The following ASPRV1 variants were observed in gnomAD, a reference collection of about 807,000 sequenced individuals.
ASPRV1 encodes retroviral-like aspartic protease 1.
A neutral mutation model predicts 11.0 loss-of-function variants in ASPRV1; 7 were observed. That is an observed-to-expected ratio of 0.64 (90% CI 0.36 to 1.20). The LOEUF (loss-of-function observed/expected upper bound fraction) is 1.20. ASPRV1 is among the 50% of genes most tolerant of loss of function. The pLI, the probability that ASPRV1 is intolerant of heterozygous loss-of-function variation, is 0.02. For synonymous variants in ASPRV1, 136 were observed against 138.4 expected, an observed-to-expected ratio of 0.98 and a Z score of 0.12; for missense variants, 299 against 320.0, an observed-to-expected ratio of 0.93 and a Z score of 0.50.
chr2:70,014,288 GATAC>G, the ASPRV1 span, among the ~76,000 whole-genome samples: 14 of 152,056 alleles, frequency 9.2e-5, no homozygotes, highest in Non-Finnish European at 1.0e-4. Context: ...TAACATTGAG[GATAC>G]ATAGAGAAAT....
the ASPRV1 span, among the ~76,000 whole-genome samples, chr2:69,998,758 C>T: frequency 6.6e-6 from 1 of 151,562 alleles, no homozygotes; most frequent in Non-Finnish European, 1.5e-5. Flanking sequence ...TTCTTTCTGG[C>T]AATAACACAG....
the ASPRV1 span, among the ~76,000 whole-genome samples, chr2:70,034,154 TA>T: frequency 0.32 from 22,164 of 68,900 alleles, 1,922 homozygotes; most frequent in East Asian, 0.38. Flanking sequence ...CTCCATCTCA[TA>T]AAAAAAAAAA....
At chr2:70,054,379 A>T in the ASPRV1 span, among the ~76,000 whole-genome samples, 1 of 151,704 alleles carries the variant, frequency 6.6e-6, no homozygotes, top group Non-Finnish European at 1.5e-5. Flanking sequence ...CAAGGTCAGG[A>T]GATCAAGACC....
downstream of ASPRV1, among the ~76,000 whole-genome samples, chr2:69,957,652 GA>G (rs1362768587): frequency 1.3e-5 from 2 of 151,864 alleles, no homozygotes; most frequent in African/African-American, 4.8e-5. Context: ...GGTGGGGATG[GA>G]GAGTCTGTAT....
chr2:69,968,221 T>C, the ASPRV1 span, among the ~76,000 whole-genome samples: 1 of 152,198 alleles, frequency 6.6e-6, no homozygotes, highest in African/African-American at 2.4e-5. Context: ...TTTTAAGTTT[T>C]TTAAAAGGTG....
the ASPRV1 span, among the ~76,000 whole-genome samples, chr2:70,067,359 G>A: frequency 6.6e-6 from 1 of 152,246 alleles, no homozygotes; most frequent in African/African-American, 2.4e-5. Context: ...ACATCCCAGT[G>A]GGGTTGTAAG....
the ASPRV1 span, among the ~76,000 whole-genome samples, chr2:70,038,456 G>C: frequency 1.3e-5 from 2 of 152,156 alleles, no homozygotes; most frequent in African/African-American, 4.8e-5. Context: ...GTGATCACCT[G>C]TAAGTGCTAG....
At chr2:69,964,546 C>T (rs1031067810), upstream of ASPRV1, 35 of 270,644 alleles carry the variant, frequency 1.3e-4, no homozygotes, top group Non-Finnish European at 2.5e-4. Context: ...GCCAGAGGTG[C>T]CCCATGAGCT....
the ASPRV1 span, among the ~76,000 whole-genome samples, chr2:70,053,179 G>C: frequency 6.6e-6 from 1 of 152,164 alleles, no homozygotes; most frequent in East Asian, 1.9e-4. Flanking sequence ...AGGGTGACCA[G>C]ACATGTTAGT....
At chr2:70,065,324 G>C in the ASPRV1 span, among the ~76,000 whole-genome samples, 4 of 144,306 alleles carry the variant, frequency 2.8e-5, no homozygotes, top group African/African-American at 7.6e-5. Context: ...CCAGGAGGCG[G>C]AGCTTGCAAT....
the ASPRV1 span, among the ~76,000 whole-genome samples, chr2:70,027,029 C>T: frequency 6.6e-6 from 1 of 152,000 alleles, no homozygotes; most frequent in African/African-American, 2.4e-5. Flanking sequence ...GGCAGGAGGA[C>T]TACTTGCATC....
chr2:70,004,445 G>A, the ASPRV1 span, among the ~76,000 whole-genome samples: 3 of 149,600 alleles, frequency 2.0e-5, no homozygotes, highest in South Asian at 4.2e-4. Context: ...CAGGGGAATC[G>A]CTTGAACCTA....
chr2:69,983,047 T>C, the ASPRV1 span, among the ~76,000 whole-genome samples: 1 of 152,110 alleles, frequency 6.6e-6, no homozygotes. Flanking sequence ...GCCTCCCGAG[T>C]AGCTGGGATT....
the ASPRV1 span, among the ~76,000 whole-genome samples, chr2:70,078,952 T>C: frequency 2.6e-5 from 4 of 152,222 alleles, no homozygotes; most frequent in African/African-American, 4.8e-5. Flanking sequence ...GTTTAAATAC[T>C]GGATATATCT....
At chr2:70,022,356 CACACTT>C in the ASPRV1 span, among the ~76,000 whole-genome samples, 5 of 91,028 alleles carry the variant, frequency 5.5e-5, no homozygotes, top group African/African-American at 2.6e-4. Context: ...AACACACACA[CACACTT>C]ACACACACAC....
At chr2:70,021,565 A>G in the ASPRV1 span, among the ~76,000 whole-genome samples, 3 of 151,718 alleles carry the variant, frequency 2.0e-5, no homozygotes, top group Non-Finnish European at 4.4e-5. Flanking sequence ...TGATCTGCCC[A>G]CCTCGGCCTC....
the ASPRV1 span, chr2:69,941,747 C>T: frequency 6.6e-6 from 1 of 152,056 alleles, no homozygotes; most frequent in African/African-American, 2.4e-5. Context: ...TTGTGATGCT[C>T]AAAATAACCA....
At chr2:69,937,161 AG>A in the ASPRV1 span, 21 of 1,578,150 alleles carry the variant, frequency 1.3e-5, no homozygotes, top group Middle Eastern at 5.0e-4. Flanking sequence ...CACTGCTAGA[AG>A]GGAAGATGCG....
At chr2:70,075,578 G>T in the ASPRV1 span, among the ~76,000 whole-genome samples, 2 of 152,124 alleles carry the variant, frequency 1.3e-5, no homozygotes, top group Admixed American at 6.6e-5. Flanking sequence ...CAGGCACAGT[G>T]GCTCACGCCT....
Sources: gnomAD v4.1 joint callset for allele counts (sites outside exome capture counted in the v4.1 genomes callset) on GRCh38, gnomAD v4.1.1 for gene constraint, MANE v1.5 for transcripts, NCBI Gene and HGNC (gene_info 2026-07-23, HGNC 2026-07-21) for gene names.